RYR3: variants seen among roughly 807,000 people sequenced by gnomAD.
RYR3 encodes the protein brain ryanodine receptor-calcium release channel.
In RYR3, 207 loss-of-function variants were observed where a neutral mutation model predicts 584.3. That is an observed-to-expected ratio of 0.35 (90% CI 0.32 to 0.40). The LOEUF is 0.40. Among genes scored for constraint, RYR3 ranks in the 10% least tolerant of loss-of-function variants. RYR3 has a pLI of 1.00. For synonymous variants in RYR3, 2,416 were observed against 2,248.5 expected, an observed-to-expected ratio of 1.07 and a Z score of -2.11; for missense variants, 5,616 against 6,089.2, an observed-to-expected ratio of 0.92 and a Z score of 2.59.
chr15:33,732,703 C>T (rs976598230), intron 48 of RYR3, among the ~76,000 whole-genome samples: 9 of 152,094 alleles, frequency 5.9e-5, no homozygotes, highest in South Asian at 4.1e-4. Context: ...TGATGAGTTA[C>T]GAAATAAATA....
At chr15:33,832,626 C>T (rs1456610110) in intron 86 of RYR3, among the ~76,000 whole-genome samples, 6 of 144,620 alleles carry the variant, frequency 4.1e-5, no homozygotes, top group East Asian at 4.1e-4. Context: ...CATTGCACTA[C>T]AGCATGGGTG....
chr15:33,651,314 A>G (rs7168819), intron 31 of RYR3, among the ~76,000 whole-genome samples: 15,117 of 152,268 alleles, frequency 0.099, 2,431 homozygotes, highest in African/African-American at 0.34. Context: ...TGTATTCTGT[A>G]TTAGTCATCA....
intron 44 of RYR3, among the ~76,000 whole-genome samples, chr15:33,723,785 A>G (rs1283792792): frequency 2.0e-5 from 3 of 152,196 alleles, no homozygotes; most frequent in African/African-American, 7.2e-5. Context: ...GGAAAAGGGA[A>G]TGAATGGTTG....
intron 9 of RYR3, among the ~76,000 whole-genome samples, chr15:33,549,087 A>C (rs936727137): frequency 6.6e-6 from 1 of 151,986 alleles, no homozygotes; most frequent in Admixed American, 6.6e-5. Flanking sequence ...TTTCTGATAA[A>C]TTGGCGGCTG....
intron 43 of RYR3, among the ~76,000 whole-genome samples, chr15:33,714,600 A>G (rs1458467759): frequency 6.6e-6 from 1 of 152,218 alleles, no homozygotes; most frequent in Non-Finnish European, 1.5e-5. Flanking sequence ...TTTCCTATCA[A>G]TCCACAAGAA....
chr15:33,465,957 T>A (rs1024095438), intron 1 of RYR3, among the ~76,000 whole-genome samples: 22 of 152,112 alleles, frequency 1.4e-4, no homozygotes, highest in African/African-American at 5.3e-4. Context: ...TTGCCAATGT[T>A]CTGAAATAAA....
intron 1 of RYR3, among the ~76,000 whole-genome samples, chr15:33,350,142 T>C (rs1325934986): frequency 6.6e-6 from 1 of 152,110 alleles, no homozygotes; most frequent in Non-Finnish European, 1.5e-5. Flanking sequence ...ATGGTATTTT[T>C]AGTTCTAGAT....
rs576393671 is a variant in RYR3, at chr15:33,329,184, C to T, written c.51+18088C>T. 6.6e-5 allele frequency among the ~76,000 whole-genome samples: 10 copies of T among 152,296 alleles called. No homozygotes were observed. In the East Asian group the frequency reaches 1.9e-3, roughly 29 times the overall value. On this transcript the variant is annotated intron_variant, in intron 1 of 103. Transcript: ENST00000634891. ...GCTTACAGAAGGTTTCTGGAGGATG[C>T]CTCAGGCACATGGGCTGGTGATTCT...
intron 62 of RYR3, among the ~76,000 whole-genome samples, chr15:33,769,531 G>C (rs550464490): frequency 5.9e-4 from 74 of 125,498 alleles, no homozygotes; most frequent in Non-Finnish European, 1.2e-3. Flanking sequence ...GCCAAGGAAG[G>C]AAATGCACAG....
At chr15:33,498,728 T>C (rs1438414407) in intron 2 of RYR3, among the ~76,000 whole-genome samples, 1 of 152,182 alleles carries the variant, frequency 6.6e-6, no homozygotes, top group Non-Finnish European at 1.5e-5. Context: ...TTTTGAGATC[T>C]TTCTTATTCA....
intron 69 of RYR3, among the ~76,000 whole-genome samples, chr15:33,803,398 C>T (rs541068706): frequency 1.8e-4 from 27 of 152,312 alleles, no homozygotes; most frequent in African/African-American, 6.0e-4. Flanking sequence ...ATCCACCTTT[C>T]GGGGACAGCT....
chr15:33,469,048 ATGT>A (rs1389237460), intron 1 of RYR3, among the ~76,000 whole-genome samples: 1 of 152,218 alleles, frequency 6.6e-6, no homozygotes, highest in Non-Finnish European at 1.5e-5. Flanking sequence ...GGATCAGTAA[ATGT>A]TGGCCATTTA....
intron 69 of RYR3, among the ~76,000 whole-genome samples, chr15:33,805,769 A>T (rs536027269): frequency 6.6e-6 from 1 of 151,074 alleles, no homozygotes; most frequent in Non-Finnish European, 1.5e-5. Flanking sequence ...GAGCCACCAC[A>T]CCCGGCCTTC....
chr15:33,728,100 G>A (rs901201274), intron 46 of RYR3, among the ~76,000 whole-genome samples: 3 of 152,120 alleles, frequency 2.0e-5, no homozygotes, highest in African/African-American at 7.2e-5. Flanking sequence ...AACTTAATCT[G>A]TCTTCATTCA....
At chr15:33,676,088 T>C (rs1414736052) in intron 38 of RYR3, among the ~76,000 whole-genome samples, 1 of 152,116 alleles carries the variant, frequency 6.6e-6, no homozygotes, top group Non-Finnish European at 1.5e-5. Flanking sequence ...GAAATCTCGA[T>C]TATTGGAGTT....
chr15:33,316,001 A>T (rs115832055), intron 1 of RYR3, among the ~76,000 whole-genome samples: 123 of 152,272 alleles, frequency 8.1e-4, no homozygotes, highest in African/African-American at 2.9e-3. Flanking sequence ...TGCTACTATG[A>T]TTATTAAGCA....
chr15:33,654,897 C>T (rs1456866818), intron 32 of RYR3, among the ~76,000 whole-genome samples: 1 of 152,270 alleles, frequency 6.6e-6, no homozygotes, highest in Non-Finnish European at 1.5e-5. Flanking sequence ...AGCCAGTTCT[C>T]TGGCCTGTGG....
chr15:33,483,416 G>T (rs1439212815), intron 2 of RYR3, among the ~76,000 whole-genome samples: 1 of 152,030 alleles, frequency 6.6e-6, no homozygotes, highest in East Asian at 1.9e-4. Context: ...TAGTTATTCT[G>T]GTTTCTGTTG....
intron 38 of RYR3, among the ~76,000 whole-genome samples, chr15:33,688,865 C>T (rs9796569): frequency 0.3 from 46,152 of 151,818 alleles, 8,053 homozygotes; most frequent in Non-Finnish European, 0.4. Context: ...TCCGGCAATC[C>T]CATTACTGGG....
Sources: gnomAD v4.1 joint callset for allele counts (sites outside exome capture counted in the v4.1 genomes callset) on GRCh38, gnomAD v4.1.1 for gene constraint, MANE v1.5 for transcripts, NCBI Gene and HGNC (gene_info 2026-07-23, HGNC 2026-07-21) for gene names.